Variants in ZBTB16 observed in about 807,000 individuals in gnomAD.
ZBTB16 encodes zinc finger and BTB domain containing 16, also known as zinc finger and BTB domain-containing protein 16.
A neutral mutation model predicts 56.8 loss-of-function variants in ZBTB16; 8 were observed. That is an observed-to-expected ratio of 0.14 (90% confidence interval 0.08 to 0.25). The LOEUF (loss-of-function observed/expected upper bound fraction) is 0.25, where lower values mean the gene tolerates loss of function less well. ZBTB16 is among the 10% of genes least tolerant of loss of function. The pLI, the probability that ZBTB16 is intolerant of heterozygous loss-of-function variation, is 1.00. For missense variants in ZBTB16, 625 were observed against 903.0 expected, an observed-to-expected ratio of 0.69 and a Z score of 3.95; for synonymous variants, 363 against 368.5, an observed-to-expected ratio of 0.98 and a Z score of 0.17.
chr11:114,237,994 G>A (rs1944627259), intron 4 of ZBTB16, among the ~76,000 whole-genome samples: 1 of 152,204 alleles, frequency 6.6e-6, no homozygotes. Context: ...CCCAGGAAGG[G>A]GAGAGAGACC....
chr11:114,121,961 A>T, intron 2 of ZBTB16: 1 of 376,482 alleles, frequency 2.7e-6, no homozygotes, highest in Non-Finnish European at 5.3e-6. Flanking sequence ...ACACTTCCTG[A>T]GTCCCAAGTC....
intron 3 of ZBTB16, among the ~76,000 whole-genome samples, chr11:114,166,773 A>G (rs1027086012): frequency 6.6e-6 from 1 of 152,132 alleles, no homozygotes; most frequent in African/African-American, 2.4e-5. Flanking sequence ...GGATGTGAAC[A>G]TTTCTCAACA....
At chr11:114,072,006 A>G (rs751960647) in intron 2 of ZBTB16, among the ~76,000 whole-genome samples, 2 of 152,264 alleles carry the variant, frequency 1.3e-5, no homozygotes, top group Admixed American at 6.5e-5. Flanking sequence ...ATAAGGATTC[A>G]TCAGAAAATA....
chr11:114,182,043 TTTG>T (rs1170315926), intron 3 of ZBTB16, among the ~76,000 whole-genome samples: 1 of 152,124 alleles, frequency 6.6e-6, no homozygotes, highest in East Asian at 1.9e-4. Context: ...TACTCAATGC[TTTG>T]TTGTTGTTAT....
intron 2 of ZBTB16, among the ~76,000 whole-genome samples, chr11:114,114,047 T>C (rs1357819218): frequency 6.6e-6 from 1 of 152,238 alleles, no homozygotes; most frequent in East Asian, 1.9e-4. Context: ...CCCATGGCTG[T>C]CTTAGAACCT....
At chr11:114,077,142 C>T (rs1336673490) in intron 2 of ZBTB16, among the ~76,000 whole-genome samples, 1 of 152,158 alleles carries the variant, frequency 6.6e-6, no homozygotes, top group Admixed American at 6.5e-5. Context: ...TGCTTACTTC[C>T]TGTGTAAATT....
intron 3 of ZBTB16, among the ~76,000 whole-genome samples, chr11:114,179,975 G>A (rs1943207594): frequency 6.6e-6 from 1 of 152,118 alleles, no homozygotes; most frequent in African/African-American, 2.4e-5. Context: ...AAAGCTTTAT[G>A]TTTTTGAAAG....
In ZBTB16 at chr11:114,176,281, A is replaced by C. The variant is rs143209684; in HGVS notation, c.1367-10671A>C. 6.0e-3 allele frequency among the ~76,000 whole-genome samples: 909 copies of C among 152,244 alleles called. 5 individuals carry two copies. The highest frequency in any genetic ancestry group is 0.021 in the African/African-American group (871 of 41,534). On this transcript the variant is annotated intron_variant, in intron 3 of 6. Coordinates refer to ENST00000335953, the MANE Select transcript of ZBTB16 (RefSeq NM_006006.6). ...TAGGAGTTGCGGAGATGTCCCATAA[A>C]ATCATGGCAGAAACCCTTACTCTTA... is the stretch of plus-strand genomic sequence containing the variant.
chr11:114,151,673 T>A (rs1189621149), intron 2 of ZBTB16, among the ~76,000 whole-genome samples: 2 of 152,258 alleles, frequency 1.3e-5, no homozygotes, highest in African/African-American at 4.8e-5. Context: ...ACATTGGCAG[T>A]GCTGGGACAT....
chr11:114,249,969 T>C (rs1944890359), intron 6 of ZBTB16, among the ~76,000 whole-genome samples: 1 of 152,006 alleles, frequency 6.6e-6, no homozygotes, highest in Admixed American at 6.6e-5. Context: ...CCTTTCTCTT[T>C]CTAGACACCC....
chr11:114,095,673 G>A (rs1480143213), intron 2 of ZBTB16, among the ~76,000 whole-genome samples: 3 of 152,170 alleles, frequency 2.0e-5, no homozygotes, highest in African/African-American at 7.2e-5. Context: ...CATACTTTTA[G>A]TCACCAAGGC....
chr11:114,081,600 G>A (rs369268052), intron 2 of ZBTB16, among the ~76,000 whole-genome samples: 7 of 152,300 alleles, frequency 4.6e-5, no homozygotes, highest in South Asian at 2.1e-4. Context: ...CCCTCCTGGG[G>A]CTTTCCTAAT....
intron 2 of ZBTB16, among the ~76,000 whole-genome samples, chr11:114,073,867 CA>C (rs991051233): frequency 2.0e-5 from 3 of 152,214 alleles, no homozygotes; most frequent in African/African-American, 7.2e-5. Context: ...TATACACGCA[CA>C]TAAACCACCA....
intron 2 of ZBTB16, among the ~76,000 whole-genome samples, chr11:114,100,884 G>C (rs531619660): frequency 6.6e-6 from 1 of 152,036 alleles, no homozygotes; most frequent in African/African-American, 2.4e-5. Context: ...TGGGAATCTA[G>C]ACAGCCCCTA....
chr11:114,203,092 G>T (rs1441191628), intron 4 of ZBTB16, among the ~76,000 whole-genome samples: 3 of 152,114 alleles, frequency 2.0e-5, no homozygotes, highest in Admixed American at 2.0e-4. Context: ...ACAAAATGTG[G>T]TATATCCATA....
chr11:114,151,433 A>G (rs1483650532), intron 2 of ZBTB16, among the ~76,000 whole-genome samples: 3 of 152,316 alleles, frequency 2.0e-5, no homozygotes, highest in East Asian at 3.9e-4. Flanking sequence ...TTCCTCATTC[A>G]AAGGCGGGAG....
At chr11:114,215,906 G>A (rs1044295089) in intron 4 of ZBTB16, among the ~76,000 whole-genome samples, 4 of 152,218 alleles carry the variant, frequency 2.6e-5, no homozygotes, top group Non-Finnish European at 5.9e-5. Flanking sequence ...CAGGAGCCTG[G>A]ACTCACAGGC....
At chr11:114,242,589 C>T (rs1944732691) in intron 5 of ZBTB16, among the ~76,000 whole-genome samples, 1 of 152,172 alleles carries the variant, frequency 6.6e-6, no homozygotes, top group Non-Finnish European at 1.5e-5. Flanking sequence ...GCTCTTGGGT[C>T]CCACTCTCAG....
At chr11:114,152,174 C>T (rs901711023) in intron 2 of ZBTB16, among the ~76,000 whole-genome samples, 2 of 152,168 alleles carry the variant, frequency 1.3e-5, no homozygotes, top group Admixed American at 6.5e-5. Flanking sequence ...AGGGATTTCT[C>T]CAGCATCCTT....
Sources: gnomAD v4.1 joint callset for allele counts (sites outside exome capture counted in the v4.1 genomes callset) on GRCh38, gnomAD v4.1.1 for gene constraint, MANE v1.5 for transcripts, NCBI Gene and HGNC (gene_info 2026-07-23, HGNC 2026-07-21) for gene names.